The following TIMP4 variants were observed in gnomAD, a reference collection of about 807,000 sequenced individuals.
TIMP4 encodes TIMP metallopeptidase inhibitor 4.
Under a neutral mutation model 27.3 loss-of-function variants are expected in TIMP4, and 28 were observed. That is an observed-to-expected ratio of 1.03 (90% confidence interval 0.76 to 1.41). TIMP4 has a LOEUF of 1.41. Ranked by LOEUF, TIMP4 falls within the 40% of genes most tolerant of loss-of-function variation. The pLI is 0.00. For missense variants in TIMP4, 307 were observed against 285.5 expected, an observed-to-expected ratio of 1.08 and a Z score of -0.54; for synonymous variants, 138 against 115.5, an observed-to-expected ratio of 1.20 and a Z score of -1.25.
rs1402915790 is a variant in TIMP4, at chr3:12,156,895, T to C, written c.277A>G (p.Ile93Val). 6.2e-7 allele frequency: 1 copy of C among 1,614,106 alleles called. No individual in the cohort carries two copies. The highest frequency in any genetic ancestry group is 1.3e-5 in the African/African-American group (1 of 74,942). ...GFEKVKDVQYIYTPFDSSLCG... is the reference protein window; with the variant it reads ...GFEKVKDVQYVYTPFDSSLCG... The stretch of plus-strand genomic sequence containing the variant: ...AGGGAAGAGTCAAAAGGCGTATAGA[T>C]ATACTGAACATCCTTGACTTTCTCA... Residue 93 changes from isoleucine to valine, a missense_variant, in exon 3 of 5, where the codon ATC becomes GTC. Physicochemically the swap from Ile to Val is conservative, Grantham distance 29. Coordinates refer to ENST00000287814, the MANE Select transcript of TIMP4 (RefSeq NM_003256.4).
Position 12,157,378 on chromosome 3 carries a change from C to T in TIMP4, c.237+7G>A, listed in dbSNP as rs1559445073. On this transcript the variant is annotated splice_region_variant and intron_variant, in intron 2 of 4. Transcript: ENST00000287814. ...GGGGCTACACATCCCAGCCTGCCCC[C>T]ATGTACCTTTATCTGTTTGATTTCA... 1 of 1,613,856 alleles carries T rather than the reference C, an allele frequency of 6.2e-7. No homozygotes were observed. Among genetic ancestry groups the T allele is most frequent in the Non-Finnish European group, 8.5e-7 (1 of 1,179,754 alleles).
rs767892424 is a variant in TIMP4 at position 12,157,391 on chromosome 3, C to G, written c.231G>C (p.Gln77His). 1 of 1,614,154 alleles carries G rather than the reference C, an allele frequency of 6.2e-7. No individual in the cohort carries two copies. Among genetic ancestry groups the G allele is most frequent in the Admixed American group, 1.7e-5 (1 of 60,030 alleles). Residue 77 changes from glutamine (Q) to histidine (H), a missense_variant, in exon 2 of 5, where the codon CAG becomes CAC. Gln to His is a conservative substitution (Grantham distance 24, BLOSUM62 0). Coordinates refer to ENST00000287814, the MANE Select transcript of TIMP4 (RefSeq NM_003256.4). ...CCAGCCTGCCCCCATGTACCTTTAT[C>G]TGTTTGATTTCATACCGGAGCATTT... ...TEKMLRYEIK[Q>H]IKMFKGFEKV...
intron 3 of TIMP4, among the ~76,000 whole-genome samples, chr3:12,155,823 G>A (rs1221366164): frequency 6.6e-6 from 1 of 152,206 alleles, no homozygotes; most frequent in African/African-American, 2.4e-5. Context: ...GAGGGCAGGT[G>A]CTTAGGAAGG....
intron 4 of TIMP4, 109 bp downstream of exon 4, chr3:12,154,218 A>G (rs1697385478): frequency 9.4e-6 from 14 of 1,490,422 alleles, no homozygotes; most frequent in Middle Eastern, 1.8e-4. Flanking sequence ...CCAACTTCAT[A>G]CAGTGCAGAT....
At chr3:12,155,956 C>T (rs1697444527) in intron 3 of TIMP4, among the ~76,000 whole-genome samples, 1 of 152,194 alleles carries the variant, frequency 6.6e-6, no homozygotes, top group Non-Finnish European at 1.5e-5. Flanking sequence ...AATTCCACAT[C>T]CTCAGAGCTA....
Position 12,153,335 on chromosome 3 carries a change from G to T in TIMP4, c.*180C>A. On this transcript the variant is annotated 3_prime_UTR_variant, in exon 5 of 5. Coordinates refer to ENST00000287814, the MANE Select transcript of TIMP4 (RefSeq NM_003256.4). ...GTTTGGGAGGCAGGGGCAACAGGCT[G>T]AGGGCAGGGCAGAAAAGTCATGGCC... 1.5e-6 allele frequency: 1 copy of T among 676,816 alleles called. No homozygotes were observed. Among genetic ancestry groups the T allele is most frequent in the Non-Finnish European group, 2.6e-6 (1 of 387,878 alleles). The allele number at this position is 676,816 out of a possible 1,614,324, so 41.9% of individuals were successfully genotyped here. A position where few individuals can be genotyped will look rare whatever the true frequency, so the allele number is the denominator to read the frequency against.
chr3:12,157,111 C>CA (rs1491026628), intron 2 of TIMP4, among the ~76,000 whole-genome samples, 177 bp from the exon 3 acceptor site: 2 of 152,026 alleles, frequency 1.3e-5, no homozygotes, highest in Middle Eastern at 3.4e-3. Context: ...ACAACAACAA[C>CA]AAAAAACACC....
At chr3:12,158,504 T>C in intron 1 of TIMP4, 198 bp downstream of exon 1, 1 of 702,906 alleles carries the variant, frequency 1.4e-6, no homozygotes. Context: ...AATCTTCATT[T>C]CCTTATGAAT....
intron 1 of TIMP4, among the ~76,000 whole-genome samples, chr3:12,158,184 G>T (rs1187966812): frequency 6.6e-6 from 1 of 152,174 alleles, no homozygotes; most frequent in Non-Finnish European, 1.5e-5. Context: ...GAAGGGGAGA[G>T]ACCTAAGTTA....
At chr3:12,158,647 A>G in intron 1 of TIMP4, 55 bp downstream of exon 1, 1 of 1,601,152 alleles carries the variant, frequency 6.2e-7, no homozygotes, top group East Asian at 2.2e-5. Flanking sequence ...TGCTGGCCAG[A>G]TACTAATCCC....
chr3:12,153,644 C>A lies in TIMP4; in HGVS notation c.546G>T (p.Leu182=), dbSNP rs776322088. 6.2e-7 allele frequency: 1 copy of A among 1,614,200 alleles called. No homozygotes were observed. Among genetic ancestry groups the A allele is most frequent in the Admixed American group, 1.7e-5 (1 of 60,024 alleles). ...APNECLWTDW[L]LERKLYGYQA... is the part of the protein sequence containing the mutation. Reference sequence around the variant, plus strand: ...GGTAACCATAGAGCTTTCGTTCCAACAGCCAGTCTGTCCAGAGGCACTCGT... The same window carrying A: ...GGTAACCATAGAGCTTTCGTTCCAAAAGCCAGTCTGTCCAGAGGCACTCGT... Residue 182 remains leucine, a synonymous_variant, in exon 5 of 5, where the codon CTG becomes CTT. Coordinates refer to ENST00000287814, the MANE Select transcript of TIMP4 (RefSeq NM_003256.4).
chr3:12,158,591 G>A (rs1697531426), intron 1 of TIMP4, 111 bp downstream of exon 1: 9 of 1,485,938 alleles, frequency 6.1e-6, no homozygotes, highest in Non-Finnish European at 8.2e-6. Flanking sequence ...AGAGACAACC[G>A]GTAAGAATTT....
In TIMP4 at chr3:12,155,063, G is replaced by A. The variant is rs111587888; in HGVS notation, c.353-612C>T. 3.4e-4 allele frequency among the ~76,000 whole-genome samples: 7 copies of A among 20,750 alleles called. 1 individual carries two copies. Among genetic ancestry groups the A allele is most frequent in the African/African-American group, 9.2e-4 (7 of 7,586 alleles). 13.6% of individuals were successfully genotyped at this position (20,750 alleles called of 152,430 possible). ...AGATCGGGCGCGTTCAGGGTGGTATGGCCGTAGATTCCTTTTCACCTTTCA... is the reference window on the plus strand; with the variant it reads ...AGATCGGGCGCGTTCAGGGTGGTATAGCCGTAGATTCCTTTTCACCTTTCA... On this transcript the variant is annotated intron_variant, in intron 3 of 4. Transcript: ENST00000287814.
At chr3:12,154,134 G>C (rs1003381145) in intron 4 of TIMP4, among the ~76,000 whole-genome samples, 193 bp downstream of exon 4, 1 of 152,198 alleles carries the variant, frequency 6.6e-6, no homozygotes, top group Non-Finnish European at 1.5e-5. Flanking sequence ...TCTGCCTCCT[G>C]TGATGGCCAC....
At chr3:12,158,337 G>A (rs1356908826) in intron 1 of TIMP4, among the ~76,000 whole-genome samples, 2 of 152,146 alleles carry the variant, frequency 1.3e-5, no homozygotes, top group African/African-American at 4.8e-5. Context: ...GGACAGACAC[G>A]GGTAGTTACA....
At position 12,153,208 on chromosome 3, in the gene TIMP4, A is replaced by C. The variant is rs949050753; in HGVS notation, c.*307T>G. The C allele has an allele frequency of 1.5e-5, 7 of 458,598 alleles. No homozygotes were observed. Among genetic ancestry groups the C allele is most frequent in the African/African-American group, 1.4e-4 (7 of 50,902 alleles). 28.4% of individuals were successfully genotyped at this position (458,598 alleles called of 1,614,324 possible). ...TACCAGATCGATTAAGACAAAGGAA[A>C]ACACATATTCCTGGGGAGGAAAGGG... On this transcript the variant is annotated 3_prime_UTR_variant, in exon 5 of 5. Transcript: ENST00000287814.
chr3:12,153,753 CCTT>C (rs554940315), intron 4 of TIMP4, 41 bp from the exon 5 acceptor site: 43 of 1,603,246 alleles, frequency 2.7e-5, no homozygotes, highest in Non-Finnish European at 3.6e-5. Flanking sequence ...AGTAGGGTGT[CCTT>C]CTTTTTCCAT....
chr3:12,156,908 C>T lies in TIMP4; in HGVS notation c.264G>A (p.Lys88=), dbSNP rs1051736484. 2 of 1,613,956 alleles carry T rather than the reference C, an allele frequency of 1.2e-6. No individual in the cohort carries two copies. The highest frequency in any genetic ancestry group is 1.3e-5 in the African/African-American group (1 of 74,906). Residue 88 remains lysine (K), a synonymous_variant, in exon 3 of 5, where the codon AAG becomes AAA. Transcript: ENST00000287814. ...AAGGCGTATAGATATACTGAACATC[C>T]TTGACTTTCTCAAACCCTTTGAACA... ...IKMFKGFEKV[K]DVQYIYTPFD...
At position 12,153,575 on chromosome 3, in the gene TIMP4, G is replaced by A; in HGVS notation, c.615C>T (p.Cys205=). Reference sequence around the variant, plus strand: ...GAGGCAGGTGGCCCCGGTACCAGCTGCAGGTGCCGTCAACATGCTTCATAC... The same window carrying A: ...GAGGCAGGTGGCCCCGGTACCAGCTACAGGTGCCGTCAACATGCTTCATAC... ...YVCMKHVDGT[C]SWYRGHLPLR... The change falls in exon 5 of 5, where the codon TGC becomes TGT. Residue 205 remains cysteine, a synonymous_variant. Transcript: ENST00000287814. 1 of 1,614,132 alleles carries A rather than the reference G, an allele frequency of 6.2e-7. No homozygotes were observed. Among genetic ancestry groups the A allele is most frequent in the Non-Finnish European group, 8.5e-7 (1 of 1,180,010 alleles).
Sources: allele counts gnomAD v4.1 joint callset (sites outside exome capture counted in the v4.1 genomes callset), GRCh38; gene constraint gnomAD v4.1.1; transcripts MANE v1.5; gene names NCBI Gene and HGNC (gene_info 2026-07-23, HGNC 2026-07-21).